Variants in STK32C observed in about 807,000 individuals in gnomAD.
The protein encoded by STK32C is serine/threonine kinase 32C.
In STK32C, 31 loss-of-function variants were observed where a neutral mutation model predicts 56.5. That is an observed-to-expected ratio of 0.55 (90% CI 0.41 to 0.74). STK32C has a LOEUF of 0.74. Ranked by LOEUF, STK32C falls within the 30% of genes least tolerant of loss-of-function variation. STK32C has a pLI of 0.00. For missense variants in STK32C, 544 were observed against 676.9 expected, an observed-to-expected ratio of 0.80 and a Z score of 2.18; for synonymous variants, 309 against 289.4, an observed-to-expected ratio of 1.07 and a Z score of -0.69.
intron 10 of STK32C, among the ~76,000 whole-genome samples, chr10:132,221,444 G>A (rs1311857300): frequency 1.5e-5 from 2 of 134,062 alleles, no homozygotes; most frequent in Admixed American, 7.9e-5. Context: ...GGCCATCCCT[G>A]CACACACTCA....
Position 132,307,948 on chromosome 10 carries a change from T to C in STK32C, c.-115A>G, listed in dbSNP as rs1468632072. ...GCCGGCAGCGCCCGCCGTGCGCTCT[T>C]CTGGGCGGTGGAACCCGCCCCGTAG... On this transcript the variant is annotated 5_prime_UTR_variant, in exon 1 of 12. Coordinates refer to ENST00000298630, the MANE Select transcript of STK32C (RefSeq NM_173575.4). This position sits in a 1 kb window ranked among gnomAD's most constrained non-coding sequence, Gnocchi z 4.4. 5.7e-6 allele frequency: 6 copies of C among 1,044,718 alleles called. No homozygotes were observed. The highest frequency in any genetic ancestry group is 5.8e-6 in the Non-Finnish European group (5 of 869,542). The allele number at this position is 1,044,718 out of a possible 1,614,324, so 64.7% of individuals were successfully genotyped here. A position where few individuals can be genotyped will look rare whatever the true frequency, so the allele number is the denominator to read the frequency against.
rs780091332 is a variant in STK32C, at chr10:132,222,611, G to A, written c.1251+30C>T. 49 of 1,607,408 alleles carry A rather than the reference G, an allele frequency of 3.0e-5. No homozygotes were observed. The Admixed American group carries it at 4.9e-4, about 16-fold the overall frequency. On this transcript the variant is annotated intron_variant, in intron 10 of 11. Coordinates refer to ENST00000298630, the MANE Select transcript of STK32C (RefSeq NM_173575.4). Reference sequence around the variant, plus strand: ...AGAGGAGCCCCAAGCCCAGCCCGCCGCCGCGCCCTGAGCCTGCCCTGGCAC... The same window carrying A: ...AGAGGAGCCCCAAGCCCAGCCCGCCACCGCGCCCTGAGCCTGCCCTGGCAC...
upstream of STK32C, among the ~76,000 whole-genome samples, chr10:132,308,131 G>T: frequency 6.7e-6 from 1 of 150,374 alleles, no homozygotes; most frequent in East Asian, 2.0e-4. Flanking sequence ...GGGCGGGGCA[G>T]GGGCGGGGCT....
intron 1 of STK32C, among the ~76,000 whole-genome samples, chr10:132,267,295 G>C (rs2064574361): frequency 6.6e-6 from 1 of 152,256 alleles, no homozygotes; most frequent in East Asian, 1.9e-4. Context: ...GCATTCACTT[G>C]TATTCTGGAG....
chr10:132,265,091 T>A (rs71487407), intron 1 of STK32C, among the ~76,000 whole-genome samples: 3,102 of 84,404 alleles, frequency 0.037, 53 homozygotes, highest in Non-Finnish European at 0.054. Context: ...GCTCTGGGGG[T>A]GCCTCAAGGG....
At chr10:132,241,033 A>G (rs2063482469) in intron 2 of STK32C, among the ~76,000 whole-genome samples, 1 of 152,236 alleles carries the variant, frequency 6.6e-6, no homozygotes, top group South Asian at 2.1e-4. Context: ...CTGCCCCTAC[A>G]GAAGTCAACG....
chr10:132,263,401 G>A (rs981101975), intron 1 of STK32C, among the ~76,000 whole-genome samples: 40 of 152,078 alleles, frequency 2.6e-4, no homozygotes, highest in Non-Finnish European at 5.7e-4. Context: ...GGCACACGTG[G>A]ACATAAAGAC....
At chr10:132,217,365 C>T (rs2062504323) in intron 10 of STK32C, among the ~76,000 whole-genome samples, 1 of 152,212 alleles carries the variant, frequency 6.6e-6, no homozygotes, top group Admixed American at 6.5e-5. Context: ...AGTGCCTGTA[C>T]CCCTATTGTA....
At chr10:132,209,898 G>T (rs1436971599) in intron 10 of STK32C, among the ~76,000 whole-genome samples, 3 of 152,216 alleles carry the variant, frequency 2.0e-5, no homozygotes, top group Non-Finnish European at 4.4e-5. Context: ...GCCAGAGGAT[G>T]CCCACTTGTG....
intron 1 of STK32C, among the ~76,000 whole-genome samples, chr10:132,280,925 C>A (rs2065178447): frequency 6.6e-6 from 1 of 151,448 alleles, no homozygotes; most frequent in Non-Finnish European, 1.5e-5. Flanking sequence ...CATGCCCCTG[C>A]ACTCCATGAT....
chr10:132,241,834 C>T (rs947200240), intron 2 of STK32C, among the ~76,000 whole-genome samples: 1 of 152,184 alleles, frequency 6.6e-6, no homozygotes, highest in Non-Finnish European at 1.5e-5. Flanking sequence ...CAGCCACGAG[C>T]AGCGGCTCAC....
intron 4 of STK32C, 64 bp downstream of exon 4, chr10:132,226,731 G>C: frequency 6.3e-7 from 1 of 1,575,986 alleles, no homozygotes; most frequent in Non-Finnish European, 8.6e-7. Context: ...CCGGCAGCCT[G>C]ACCTAAGGCT....
chr10:132,269,608 A>C (rs911701793), intron 1 of STK32C, among the ~76,000 whole-genome samples: 1 of 152,232 alleles, frequency 6.6e-6, no homozygotes, highest in African/African-American at 2.4e-5. Context: ...CTCGGGGCTA[A>C]CAGCTAGTGG....
At chr10:132,294,045 T>C (rs572429855) in intron 1 of STK32C, among the ~76,000 whole-genome samples, 1 of 152,156 alleles carries the variant, frequency 6.6e-6, no homozygotes, top group South Asian at 2.1e-4. Flanking sequence ...ACTGAGACAC[T>C]CGAGTGGCAA....
chr10:132,251,687 ATGCCTCCTGGGGCCTC>A (rs1300246737), intron 1 of STK32C, among the ~76,000 whole-genome samples: 112 of 151,818 alleles, frequency 7.4e-4, no homozygotes, highest in African/African-American at 2.5e-3. Context: ...TCAACACCCT[ATGCCTCCTGGGGCCTC>A]CGACCCTCCA....
chr10:132,274,356 T>C (rs2064933495), intron 1 of STK32C, among the ~76,000 whole-genome samples: 1 of 152,208 alleles, frequency 6.6e-6, no homozygotes, highest in African/African-American at 2.4e-5. Context: ...ACACCATTGC[T>C]AGGGAAAGGC....
downstream of STK32C, among the ~76,000 whole-genome samples, chr10:132,321,853 C>T (rs1195443166): frequency 6.6e-6 from 1 of 152,198 alleles, no homozygotes. Flanking sequence ...CTTTCCAGTG[C>T]TTTTGCTTAA....
chr10:132,224,631 C>T, intron 7 of STK32C, 108 bp from the exon 8 acceptor site: 1 of 782,992 alleles, frequency 1.3e-6, no homozygotes, highest in South Asian at 1.5e-5. Context: ...CCCCCCACCC[C>T]AAGTGCAGGC....
chr10:132,281,048 A>G (rs903174649), intron 1 of STK32C, among the ~76,000 whole-genome samples: 7 of 145,392 alleles, frequency 4.8e-5, no homozygotes, highest in South Asian at 2.2e-4. Flanking sequence ...CCGTGATCAC[A>G]CCCCTGCACT....
Sources: gnomAD v4.1 joint callset for allele counts (sites outside exome capture counted in the v4.1 genomes callset) on GRCh38, gnomAD v4.1.1 for gene constraint, Gnocchi (gnomAD v3.1) non-coding constraint, MANE v1.5 for transcripts, NCBI Gene and HGNC (gene_info 2026-07-23, HGNC 2026-07-21) for gene names.